Variants in RNF216 observed in about 807,000 individuals in gnomAD.
RNF216 encodes the protein ring finger protein 216, also known as E3 ubiquitin-protein ligase RNF216.
Under a neutral mutation model 110.8 loss-of-function variants are expected in RNF216, and 72 were observed. The ratio of observed to expected loss-of-function variants is 0.65; its 90% CI spans 0.54 to 0.79. The LOEUF is 0.79. Ranked by LOEUF, RNF216 falls within the 30% of genes least tolerant of loss-of-function variation. The probability of loss-of-function intolerance (pLI) is 0.00; values close to 1 mark genes in which losing one functional copy is unlikely to be tolerated. For missense variants in RNF216, 1,342 were observed against 1,141.2 expected, an observed-to-expected ratio of 1.18 and a Z score of -2.54; for synonymous variants, 495 against 407.5, an observed-to-expected ratio of 1.21 and a Z score of -2.59.
At chr7:5,730,628 T>C (rs949120226) in intron 6 of RNF216, 87 bp downstream of exon 6, 4 of 1,588,450 alleles carry the variant, frequency 2.5e-6, no homozygotes, top group African/African-American at 2.8e-5. Flanking sequence ...CAAAGCACTT[T>C]CTTCCCACAG....
At chr7:5,737,434 T>G (rs988254828) in intron 5 of RNF216, among the ~76,000 whole-genome samples, 1 of 152,124 alleles carries the variant, frequency 6.6e-6, no homozygotes, top group South Asian at 2.1e-4. Context: ...CTTTGTTCAC[T>G]TGTTTATCTG....
At chr7:5,640,057 C>T (rs1246584987) in intron 15 of RNF216, among the ~76,000 whole-genome samples, 1 of 151,266 alleles carries the variant, frequency 6.6e-6, no homozygotes, top group Non-Finnish European at 1.5e-5. Flanking sequence ...CCGCGCCCGG[C>T]CAATTTTTTT....
intron 1 of RNF216, chr7:5,777,586 G>C (rs1266221329): frequency 1.3e-5 from 2 of 152,256 alleles, no homozygotes; most frequent in Admixed American, 1.3e-4. Context: ...AGGAATCAAA[G>C]TTGACCTAGA....
Position 5,698,423 on chromosome 7 carries a change from A to ACACACACG in RNF216, c.2061+13337_2061+13338insCGTGTGTG, listed in dbSNP as rs1791765370. Among the ~76,000 whole-genome samples the ACACACACG allele has an allele frequency of 3.3e-5, 5 of 151,776 alleles. No individual in the cohort carries two copies. In the South Asian group the frequency reaches 1.0e-3, roughly 32 times the overall value. ...CACACACACACACACACATACACAC[A>ACACACACG]CACGCATGCATGCTGGAGTACAGTG... On this transcript the variant is annotated intron_variant, in intron 13 of 16. Coordinates refer to ENST00000389902, the MANE Select transcript of RNF216 (RefSeq NM_207111.4).
chr7:5,756,762 C>T (rs926884224), intron 2 of RNF216, among the ~76,000 whole-genome samples: 2 of 152,112 alleles, frequency 1.3e-5, no homozygotes, highest in African/African-American at 4.8e-5. Context: ...GTACCTGGGA[C>T]CTGGTAAACC....
intron 3 of RNF216, among the ~76,000 whole-genome samples, chr7:5,744,143 G>C (rs1023553100): frequency 6.6e-6 from 1 of 152,068 alleles, no homozygotes; most frequent in Non-Finnish European, 1.5e-5. Flanking sequence ...GGAAATCAAA[G>C]ACTAGATTGA....
At chr7:5,640,662 G>A (rs1787681302) in intron 15 of RNF216, among the ~76,000 whole-genome samples, 1 of 152,170 alleles carries the variant, frequency 6.6e-6, no homozygotes, top group Non-Finnish European at 1.5e-5. Context: ...AATGATTTAC[G>A]TTAATAGAAT....
Position 5,620,215 on chromosome 7 carries a change from T to C in RNF216, c.*2645A>G, listed in dbSNP as rs1786266795. On this transcript the variant is annotated 3_prime_UTR_variant, in exon 17 of 17. Coordinates refer to ENST00000389902, the MANE Select transcript of RNF216 (RefSeq NM_207111.4). ...TGTTTTTATACAAAGTGACAGATCA[T>C]GCACATTTTTTTCAGTTTTTAAATA... 3 of 152,270 alleles carry C rather than the reference T, an allele frequency of 2.0e-5. No homozygotes were observed. The South Asian group carries it at 6.2e-4, about 31-fold the overall frequency. 9.4% of individuals were successfully genotyped at this position (152,270 alleles called of 1,614,324 possible). A position where few individuals can be genotyped will look rare whatever the true frequency, so the allele number is the denominator to read the frequency against.
intron 13 of RNF216, among the ~76,000 whole-genome samples, chr7:5,660,943 G>A (rs1158750300): frequency 3.3e-5 from 3 of 90,164 alleles, no homozygotes; most frequent in Non-Finnish European, 5.9e-5. Context: ...GAAGCCTTAG[G>A]TTTTTTTTTT....
chr7:5,769,480 T>A (rs555967021), intron 1 of RNF216, among the ~76,000 whole-genome samples: 1 of 151,396 alleles, frequency 6.6e-6, no homozygotes, highest in South Asian at 2.1e-4. Flanking sequence ...CCCAGCACTT[T>A]GGGAGTCTGA....
At chr7:5,684,759 T>C (rs925082999) in intron 13 of RNF216, among the ~76,000 whole-genome samples, 4 of 152,176 alleles carry the variant, frequency 2.6e-5, no homozygotes, top group Non-Finnish European at 4.4e-5. Flanking sequence ...ACCTCACATA[T>C]AGTTAGGAAA....
intron 3 of RNF216, among the ~76,000 whole-genome samples, chr7:5,747,613 C>T (rs1022285002): frequency 6.6e-6 from 1 of 151,652 alleles, no homozygotes; most frequent in East Asian, 1.9e-4. Context: ...AGGTCATGCA[C>T]GGTGGCACAC....
At chr7:5,757,500 G>A (rs1331489187) in intron 2 of RNF216, among the ~76,000 whole-genome samples, 1 of 151,742 alleles carries the variant, frequency 6.6e-6, no homozygotes, top group Non-Finnish European at 1.5e-5. Flanking sequence ...TCATTTTTAA[G>A]CCTATTTTCA....
intron 13 of RNF216, among the ~76,000 whole-genome samples, chr7:5,688,096 G>C (rs1791100620): frequency 6.6e-6 from 1 of 152,220 alleles, no homozygotes; most frequent in African/African-American, 2.4e-5. Context: ...ATAAGCAGCA[G>C]CTATTCCTGC....
At chr7:5,710,764 C>G (rs968573766) in intron 13 of RNF216, among the ~76,000 whole-genome samples, 10 of 152,208 alleles carry the variant, frequency 6.6e-5, no homozygotes, top group Non-Finnish European at 1.5e-5. Flanking sequence ...CCTTTGGCTA[C>G]TTCCTCCTTA....
At chr7:5,655,621 A>G (rs1201496873) in intron 13 of RNF216, among the ~76,000 whole-genome samples, 1 of 151,812 alleles carries the variant, frequency 6.6e-6, no homozygotes, top group Non-Finnish European at 1.5e-5. Context: ...AAGGGGGGAC[A>G]AAAAAAGACA....
intron 1 of RNF216, among the ~76,000 whole-genome samples, chr7:5,764,558 G>A (rs568746671): frequency 5.3e-5 from 8 of 151,648 alleles, no homozygotes; most frequent in Admixed American, 3.3e-4. Flanking sequence ...TGAGGCGAGA[G>A]AATCGCTTGA....
At chr7:5,754,335 T>C (rs564850184) in intron 2 of RNF216, among the ~76,000 whole-genome samples, 6 of 150,802 alleles carry the variant, frequency 4.0e-5, no homozygotes, top group African/African-American at 1.5e-4. Flanking sequence ...AAAAAAAAAA[T>C]TTTTTTTTGT....
intron 1 of RNF216, among the ~76,000 whole-genome samples, chr7:5,776,180 A>G (rs1229450424): frequency 6.6e-6 from 1 of 152,164 alleles, no homozygotes; most frequent in Non-Finnish European, 1.5e-5. Flanking sequence ...ATTTTATGTA[A>G]CAAGAATTGG....
Sources: gnomAD v4.1 joint callset for allele counts (sites outside exome capture counted in the v4.1 genomes callset) on GRCh38, gnomAD v4.1.1 for gene constraint, MANE v1.5 for transcripts, NCBI Gene and HGNC (gene_info 2026-07-23, HGNC 2026-07-21) for gene names.